Variants in NR6A1 observed in about 807,000 individuals in gnomAD.
NR6A1 encodes the protein nuclear receptor subfamily 6 group A member 1, also known as retinoic acid receptor-related testis-associated receptor.
Under a neutral mutation model 59.1 loss-of-function variants are expected in NR6A1, and 7 were observed. The observed-to-expected ratio is 0.12, with a 90% CI of 0.07 to 0.22. The LOEUF (loss-of-function observed/expected upper bound fraction) is 0.22, where lower values mean the gene tolerates loss of function less well. NR6A1 is among the 10% of genes least tolerant of loss of function. The probability of loss-of-function intolerance (pLI) is 1.00; values close to 1 mark genes in which losing one functional copy is unlikely to be tolerated. For missense variants in NR6A1, 468 were observed against 611.6 expected, an observed-to-expected ratio of 0.77 and a Z score of 2.48; for synonymous variants, 243 against 236.1, an observed-to-expected ratio of 1.03 and a Z score of -0.27.
At chr9:124,738,123 G>A (rs1281624244) in intron 1 of NR6A1, among the ~76,000 whole-genome samples, 1 of 152,060 alleles carries the variant, frequency 6.6e-6, no homozygotes, top group African/African-American at 2.4e-5. Context: ...GCGTGGTGGT[G>A]CACACCTGTA....
chr9:124,689,723 A>T (rs778975100), intron 2 of NR6A1, among the ~76,000 whole-genome samples: 88 of 152,312 alleles, frequency 5.8e-4, no homozygotes, highest in Middle Eastern at 6.8e-3. Context: ...TTTCCATTGG[A>T]ATTAGCCCCC....
intron 2 of NR6A1, among the ~76,000 whole-genome samples, chr9:124,728,007 TTTTTA>T (rs1171506873): frequency 6.7e-6 from 1 of 150,356 alleles, no homozygotes; most frequent in Non-Finnish European, 1.5e-5. Flanking sequence ...TTATTTTTTA[TTTTTA>T]TTTTTATTTT....
intron 1 of NR6A1, among the ~76,000 whole-genome samples, chr9:124,750,486 C>T (rs894745229): frequency 2.0e-5 from 3 of 152,142 alleles, no homozygotes; most frequent in South Asian, 4.1e-4. Flanking sequence ...ATAGGCCAGG[C>T]GCGGTGGCTC....
At chr9:124,740,143 CG>C (rs1564262143) in intron 1 of NR6A1, among the ~76,000 whole-genome samples, 1 of 152,212 alleles carries the variant, frequency 6.6e-6, no homozygotes, top group African/African-American at 2.4e-5. Context: ...GAATTCAACA[CG>C]CTCTTTGGCC....
chr9:124,608,150 ATTTTAT>A lies in NR6A1; in HGVS notation c.143-53586_143-53581del, dbSNP rs1487725612. ...TAAAAAAGAAAAAAGCACTTTTTAG[ATTTTAT>A]TTTTATTTTACGTTTCAGGGTACAT... On this transcript the variant is annotated intron_variant, in intron 2 of 9. Coordinates refer to ENST00000487099, the MANE Select transcript of NR6A1 (RefSeq NM_033334.4). Among the ~76,000 whole-genome samples the A allele has an allele frequency of 3.9e-5, 6 of 152,270 alleles. No homozygotes were observed. In the East Asian group the frequency reaches 9.6e-4, roughly 24 times the overall value.
intron 2 of NR6A1, among the ~76,000 whole-genome samples, chr9:124,689,138 A>C (rs958158459): frequency 6.6e-6 from 1 of 152,230 alleles, no homozygotes; most frequent in African/African-American, 2.4e-5. Flanking sequence ...TGGAAGCCAA[A>C]TACTGGGGAA....
intron 2 of NR6A1, among the ~76,000 whole-genome samples, chr9:124,679,474 A>T (rs1838060037): frequency 1.3e-5 from 2 of 152,222 alleles, no homozygotes; most frequent in South Asian, 4.1e-4. Flanking sequence ...CCCCCTGATT[A>T]TCTTGTCATA....
At chr9:124,757,822 C>T (rs1462965087) in intron 1 of NR6A1, among the ~76,000 whole-genome samples, 2 of 152,210 alleles carry the variant, frequency 1.3e-5, no homozygotes, top group African/African-American at 4.8e-5. Context: ...GCATTTGAAA[C>T]ATCGGGTATT....
chr9:124,541,563 C>A (rs1052910896), intron 4 of NR6A1, among the ~76,000 whole-genome samples: 2 of 152,096 alleles, frequency 1.3e-5, no homozygotes, highest in African/African-American at 4.8e-5. Flanking sequence ...GAAATGGAAA[C>A]CCTTGTGCAC....
At chr9:124,694,533 C>CAA (rs1211369251) in intron 2 of NR6A1, among the ~76,000 whole-genome samples, 2 of 152,140 alleles carry the variant, frequency 1.3e-5, no homozygotes, top group Non-Finnish European at 2.9e-5. Context: ...CCATGTCCCT[C>CAA]AAACAGGAAA....
At chr9:124,540,293 TTCCCTCTCCTCCA>T (rs1833406421) in intron 4 of NR6A1, 106 bp from the exon 5 acceptor site, 1 of 1,226,268 alleles carries the variant, frequency 8.2e-7, no homozygotes, top group South Asian at 1.6e-5. Context: ...GAAACCTAGG[TTCCCTCTCCTCCA>T]TCCCCATATT....
intron 2 of NR6A1, among the ~76,000 whole-genome samples, chr9:124,603,627 G>A (rs1430277951): frequency 6.6e-6 from 1 of 152,158 alleles, no homozygotes; most frequent in African/African-American, 2.4e-5. Flanking sequence ...TATAACATAT[G>A]TATCCGTCAC....
At position 124,712,383 on chromosome 9, in the gene NR6A1, G is replaced by A. The variant is rs529509266; in HGVS notation, c.142+20925C>T. On this transcript the variant is annotated intron_variant, in intron 2 of 9. Coordinates refer to ENST00000487099, the MANE Select transcript of NR6A1 (RefSeq NM_033334.4). ...CAGCACTTTGGGAGGCCGAGGCAAGGGGACCACTTGAGGCCAGGAGCTGGA... is the reference window on the plus strand; with the variant it reads ...CAGCACTTTGGGAGGCCGAGGCAAGAGGACCACTTGAGGCCAGGAGCTGGA... 2.6e-5 allele frequency among the ~76,000 whole-genome samples: 4 copies of A among 152,136 alleles called. No individual in the cohort carries two copies. The South Asian group carries it at 6.2e-4, about 24-fold the overall frequency.
At chr9:124,756,571 T>A (rs1564269498) in intron 1 of NR6A1, among the ~76,000 whole-genome samples, 1 of 152,232 alleles carries the variant, frequency 6.6e-6, no homozygotes, top group Non-Finnish European at 1.5e-5. Flanking sequence ...TGTTAAAAAC[T>A]GTGAATGCCC....
At chr9:124,562,350 C>T (rs1310774949) in intron 2 of NR6A1, among the ~76,000 whole-genome samples, 4 of 152,052 alleles carry the variant, frequency 2.6e-5, no homozygotes. Flanking sequence ...TAAACACAAA[C>T]ATTATTAGAA....
chr9:124,707,847 G>A lies in NR6A1; in HGVS notation c.142+25461C>T, dbSNP rs1839178557. Among the ~76,000 whole-genome samples, 3 of 152,094 alleles carry A rather than the reference G, an allele frequency of 2.0e-5. 1 individual carries two copies. In the South Asian group the frequency reaches 6.2e-4, roughly 31 times the overall value. ...CTCCATTAAAGATTAGTCAGAGATG[G>A]TAATCAACCACCTTGAGCTCTTTCA... On this transcript the variant is annotated intron_variant, in intron 2 of 9. Coordinates refer to ENST00000487099, the MANE Select transcript of NR6A1 (RefSeq NM_033334.4).
chr9:124,654,297 C>T (rs892448122), intron 2 of NR6A1, among the ~76,000 whole-genome samples: 15 of 152,078 alleles, frequency 9.9e-5, no homozygotes, highest in African/African-American at 3.6e-4. Context: ...GAACAAGTTA[C>T]CATTCTGCTT....
chr9:124,544,634 C>CA (rs34383711), intron 3 of NR6A1, among the ~76,000 whole-genome samples: 1 of 152,040 alleles, frequency 6.6e-6, no homozygotes, highest in East Asian at 1.9e-4. Flanking sequence ...GAACAGTGTA[C>CA]AAAAAAAGCA....
At chr9:124,688,280 G>A (rs1445253998) in intron 2 of NR6A1, among the ~76,000 whole-genome samples, 2 of 151,896 alleles carry the variant, frequency 1.3e-5, no homozygotes, top group Non-Finnish European at 2.9e-5. Context: ...AGCTGTGACT[G>A]CACCACTGCA....
Sources: gnomAD v4.1 joint callset for allele counts (sites outside exome capture counted in the v4.1 genomes callset) on GRCh38, gnomAD v4.1.1 for gene constraint, MANE v1.5 for transcripts, NCBI Gene and HGNC (gene_info 2026-07-23, HGNC 2026-07-21) for gene names.